GARRE1: variants seen among roughly 807,000 people sequenced by gnomAD.
The protein encoded by GARRE1 is granule associated Rac and RHOG effector protein 1.
A neutral mutation model predicts 103.2 loss-of-function variants in GARRE1; 49 were observed. The observed-to-expected ratio is 0.47, with a 90% CI of 0.38 to 0.60. The LOEUF (loss-of-function observed/expected upper bound fraction) is 0.60, where lower values mean the gene tolerates loss of function less well. Ranked by LOEUF, GARRE1 falls within the 20% of genes least tolerant of loss-of-function variation. The pLI is 0.00. For missense variants in GARRE1, 1,199 were observed against 1,370.5 expected (o/e 0.87, Z 1.98); for synonymous variants, 505 against 532.8 (o/e 0.95, Z 0.72).
At chr19:34,321,991 G>T (rs894986341) in intron 3 of GARRE1, among the ~76,000 whole-genome samples, 1 of 152,132 alleles carries the variant, frequency 6.6e-6, no homozygotes, top group Admixed American at 6.6e-5. Flanking sequence ...ATGACTAAAT[G>T]GTGGGCTGCA....
At chr19:34,259,223 C>T (rs1342671028) in intron 1 of GARRE1, among the ~76,000 whole-genome samples, 1 of 152,216 alleles carries the variant, frequency 6.6e-6, no homozygotes, top group Non-Finnish European at 1.5e-5. Flanking sequence ...GGTGTCCTGT[C>T]CTTCCTGACT....
rs763240112 is a variant in GARRE1, at chr19:34,352,961, G to GGCCA, written c.*14_*17dup. On this transcript the variant is annotated 3_prime_UTR_variant, in exon 14 of 14. Coordinates refer to ENST00000299505, the MANE Select transcript of GARRE1 (RefSeq NM_014686.5). Reference sequence around the variant, plus strand: ...CCTATCTGCCCCAGTACTGACCCCAGGCCAGCCAGCCTGCCTGCCTGCCTG... The same window carrying GGCCA: ...CCTATCTGCCCCAGTACTGACCCCAGGCCAGCCAGCCAGCCTGCCTGCCTGCCTG... The GGCCA allele has an allele frequency of 4.1e-6, 6 of 1,468,994 alleles. No individual in the cohort carries two copies. Among genetic ancestry groups the GGCCA allele is most frequent in the Non-Finnish European group, 5.4e-6 (6 of 1,115,216 alleles). The allele number at this position is 1,468,994 out of a possible 1,614,324, so 91.0% of individuals were successfully genotyped here. A position where few individuals can be genotyped will look rare whatever the true frequency, so the allele number is the denominator to read the frequency against.
intron 3 of GARRE1, among the ~76,000 whole-genome samples, chr19:34,325,140 TG>T (rs776798902): frequency 2.6e-5 from 4 of 152,184 alleles, no homozygotes; most frequent in Non-Finnish European, 4.4e-5. Flanking sequence ...TCTTTCCTCT[TG>T]GGTCATCCTT....
chr19:34,335,011 C>G (rs2074154585), intron 8 of GARRE1, among the ~76,000 whole-genome samples: 1 of 151,832 alleles, frequency 6.6e-6, no homozygotes, highest in African/African-American at 2.4e-5. Context: ...CCACTGCACT[C>G]CAGCCTGGGT....
At chr19:34,257,048 G>A (rs1016627293) in intron 1 of GARRE1, among the ~76,000 whole-genome samples, 2 of 152,088 alleles carry the variant, frequency 1.3e-5, no homozygotes, top group African/African-American at 4.8e-5. Flanking sequence ...ACACAAATAC[G>A]TAGGTTGGCA....
At chr19:34,317,246 G>A (rs529935104) in intron 2 of GARRE1, among the ~76,000 whole-genome samples, 2 of 152,330 alleles carry the variant, frequency 1.3e-5, no homozygotes, top group South Asian at 2.1e-4. Flanking sequence ...TTAGAATGTC[G>A]CCCTGGCGAG....
intron 13 of GARRE1, among the ~76,000 whole-genome samples, chr19:34,352,229 C>G (rs376751571): frequency 6.6e-6 from 1 of 151,820 alleles, no homozygotes; most frequent in Admixed American, 6.6e-5. Flanking sequence ...CGGTGAAATC[C>G]CATCTCTACT....
intron 3 of GARRE1, among the ~76,000 whole-genome samples, chr19:34,324,223 T>C (rs1250944756): frequency 1.3e-5 from 2 of 152,180 alleles, no homozygotes; most frequent in Non-Finnish European, 2.9e-5. Flanking sequence ...GTTTCTCTGC[T>C]CTTTTCTCAG....
intron 8 of GARRE1, among the ~76,000 whole-genome samples, chr19:34,338,557 C>G (rs1028233059): frequency 3.9e-5 from 6 of 152,078 alleles, no homozygotes; most frequent in Non-Finnish European, 7.4e-5. Context: ...TTGGGGGGCT[C>G]TTGGTGTAGG....
chr19:34,267,498 G>A (rs1394228055), intron 1 of GARRE1, among the ~76,000 whole-genome samples: 1 of 151,524 alleles, frequency 6.6e-6, no homozygotes, highest in Non-Finnish European at 1.5e-5. Flanking sequence ...GAGCCACCGT[G>A]CCCAGCCAAG....
chr19:34,266,351 G>A (rs912702805), intron 1 of GARRE1, among the ~76,000 whole-genome samples: 1 of 152,148 alleles, frequency 6.6e-6, no homozygotes, highest in Non-Finnish European at 1.5e-5. Context: ...CTTCCTGGCT[G>A]TGACTCTGAT....
intron 2 of GARRE1, among the ~76,000 whole-genome samples, chr19:34,302,869 T>G (rs1284933309): frequency 6.6e-6 from 1 of 151,482 alleles, no homozygotes; most frequent in African/African-American, 2.4e-5. Context: ...CTCAGCCTCC[T>G]GAGTAGCTGG....
intron 1 of GARRE1, among the ~76,000 whole-genome samples, chr19:34,282,261 CCTG>C (rs926171868): frequency 1.3e-4 from 5 of 37,446 alleles, no homozygotes; most frequent in Non-Finnish European, 5.5e-4. Context: ...AAGCAATTCT[CCTG>C]CCTTGGCCTC....
chr19:34,303,172 A>G (rs1233843809), intron 2 of GARRE1, among the ~76,000 whole-genome samples: 1 of 152,222 alleles, frequency 6.6e-6, no homozygotes, highest in African/African-American at 2.4e-5. Flanking sequence ...TGATTTATTC[A>G]ACTTTGATCT....
In GARRE1 at chr19:34,330,296, G is replaced by T; in HGVS notation, c.1212G>T (p.Trp404Cys). ...TGAACCAGGTTTGCCCTTCCACATGGCGAGGTGCCTGCAAGACGGCGGTGC... is the reference window on the plus strand; with the variant it reads ...TGAACCAGGTTTGCCCTTCCACATGTCGAGGTGCCTGCAAGACGGCGGTGC... ...EVLNQVCPST[W>C]RGACKTAVQL... is the part of the protein sequence containing the mutation. Residue 404 changes from tryptophan to cysteine, a missense_variant, in exon 7 of 14, where the codon TGG (tryptophan) becomes TGT (cysteine). Coordinates refer to ENST00000299505, the MANE Select transcript of GARRE1 (RefSeq NM_014686.5). The T allele has an allele frequency of 6.2e-7, 1 of 1,614,188 alleles. No homozygotes were observed. The highest frequency in any genetic ancestry group is 8.5e-7 in the Non-Finnish European group (1 of 1,180,032).
intron 1 of GARRE1, among the ~76,000 whole-genome samples, chr19:34,297,321 A>G (rs1364309940): frequency 6.6e-6 from 1 of 152,174 alleles, no homozygotes; most frequent in Non-Finnish European, 1.5e-5. Flanking sequence ...AATTGTGTTG[A>G]ATCTGTAGAT....
rs538485719 is a variant in GARRE1 at position 34,353,075 on chromosome 19, C to G, written c.*120C>G. The stretch of plus-strand genomic sequence containing the variant: ...CCCTCAGAGGACCAGTGCGCCCCAT[C>G]CCAGGGAGGGTTCCTTGGGGACAAG... On this transcript the variant is annotated 3_prime_UTR_variant, in exon 14 of 14. Coordinates refer to ENST00000299505, the MANE Select transcript of GARRE1 (RefSeq NM_014686.5). 2.0e-5 allele frequency: 19 copies of G among 947,704 alleles called. No individual in the cohort carries two copies. In the South Asian group the frequency reaches 2.8e-4, roughly 14 times the overall value. 58.7% of individuals were successfully genotyped at this position (947,704 alleles called of 1,614,324 possible).
chr19:34,284,321 C>T (rs1012172409), intron 1 of GARRE1, among the ~76,000 whole-genome samples: 1 of 151,948 alleles, frequency 6.6e-6, no homozygotes, highest in Non-Finnish European at 1.5e-5. Context: ...GACAGGGTTT[C>T]ACTGTGTTGG....
rs2073913048 is a variant in GARRE1 at position 34,290,769 on chromosome 19, G to A, written c.-795-8910G>A. 2.7e-5 allele frequency among the ~76,000 whole-genome samples: 4 copies of A among 149,846 alleles called. No individual in the cohort carries two copies. The Admixed American group carries it at 2.7e-4, about 10-fold the overall frequency. On this transcript the variant is annotated intron_variant, in intron 1 of 13. Transcript: ENST00000299505. ...CTCCCAAAGCGTTGAGATTACTGTTGTAAGCCACCATGCCCAGCTACAAAG... is the reference window on the plus strand; with the variant it reads ...CTCCCAAAGCGTTGAGATTACTGTTATAAGCCACCATGCCCAGCTACAAAG...
Sources: gnomAD v4.1 joint callset for allele counts (sites outside exome capture counted in the v4.1 genomes callset) on GRCh38, gnomAD v4.1.1 for gene constraint, MANE v1.5 for transcripts, NCBI Gene and HGNC (gene_info 2026-07-23, HGNC 2026-07-21) for gene names.